Variants in KPNA7 observed in about 807,000 individuals in gnomAD.
The protein encoded by KPNA7 is importin subunit alpha-8.
In KPNA7, 54 loss-of-function variants were observed where a neutral mutation model predicts 53.7. The observed-to-expected ratio is 1.01, with a 90% CI of 0.81 to 1.26. The LOEUF is 1.26. Among genes scored for constraint, KPNA7 ranks in the 50% most tolerant of loss-of-function variants. The pLI is 0.00. For synonymous variants in KPNA7, 276 were observed against 259.3 expected (o/e 1.06, Z -0.62); for missense variants, 640 against 644.5 (o/e 0.99, Z 0.07).
At position 99,188,270 on chromosome 7, in the gene KPNA7, C is replaced by T. The variant is rs935460857; in HGVS notation, c.900+30G>A. 7.8e-6 allele frequency: 12 copies of T among 1,540,590 alleles called. No individual in the cohort carries two copies. In the Admixed American group the frequency reaches 1.4e-4, roughly 18 times the overall value. On this transcript the variant is annotated intron_variant, in intron 7 of 10. Transcript: ENST00000327442. ...CTAAAGTGACTATGACCCGAGGACT[C>T]GAATCCACAGGGCCCAGGATTGCAT... is the stretch of plus-strand genomic sequence containing the variant.
chr7:99,181,460 C>G (rs1799269695), intron 9 of KPNA7, among the ~76,000 whole-genome samples: 1 of 152,188 alleles, frequency 6.6e-6, no homozygotes, highest in African/African-American at 2.4e-5. Context: ...AAACGAAGAC[C>G]ATGGTCCTTC....
chr7:99,177,830 C>A lies in KPNA7; in HGVS notation c.1464+90G>T, dbSNP rs17161599. 14 of 1,366,540 alleles carry A rather than the reference C, an allele frequency of 1.0e-5. No individual in the cohort carries two copies. In the African/African-American group the frequency reaches 2.1e-4, roughly 20 times the overall value. The allele number at this position is 1,366,540 out of a possible 1,614,324, so 84.7% of individuals were successfully genotyped here. ...ACCACCTGCCCAGTCACCTGCCACA[C>A]GCAACAGCCCAGGCCCCGGCAGGGT... On this transcript the variant is annotated intron_variant, in intron 10 of 10. Transcript: ENST00000327442.
chr7:99,162,037 A>ATTTT, the KPNA7 span, among the ~76,000 whole-genome samples: 21 of 106,920 alleles, frequency 2.0e-4, no homozygotes, highest in South Asian at 8.7e-4. Flanking sequence ...CAAGATTGCA[A>ATTTT]TTTTTTTTTT....
chr7:99,186,669 G>A (rs570517087), intron 7 of KPNA7, among the ~76,000 whole-genome samples: 1 of 152,100 alleles, frequency 6.6e-6, no homozygotes, highest in South Asian at 2.1e-4. Context: ...CTTGAACCCA[G>A]GAGACAGAGG....
At chr7:99,176,150 T>C (rs956457243) in intron 10 of KPNA7, among the ~76,000 whole-genome samples, 5 of 151,628 alleles carry the variant, frequency 3.3e-5, no homozygotes, top group African/African-American at 1.2e-4. Flanking sequence ...TACAAAAAAT[T>C]AGCCGGACAT....
chr7:99,163,905 T>A, the KPNA7 span, among the ~76,000 whole-genome samples: 2 of 151,984 alleles, frequency 1.3e-5, no homozygotes, highest in Admixed American at 6.6e-5. Flanking sequence ...TTAAAAAGAA[T>A]TTCTCGAAAA....
the KPNA7 span, among the ~76,000 whole-genome samples, chr7:99,148,095 G>A: frequency 6.6e-6 from 1 of 151,332 alleles, no homozygotes; most frequent in African/African-American, 2.4e-5. Context: ...CTATCATATT[G>A]AACTTAAGAT....
intron 1 of KPNA7, among the ~76,000 whole-genome samples, chr7:99,214,353 G>C (rs1301838878): frequency 2.6e-5 from 4 of 151,386 alleles, no homozygotes; most frequent in Non-Finnish European, 5.9e-5. Flanking sequence ...TGAGGCAGGA[G>C]AATCACTTGA....
At chr7:99,161,268 T>TCTCC in the KPNA7 span, among the ~76,000 whole-genome samples, 4 of 123,094 alleles carry the variant, frequency 3.2e-5, no homozygotes, top group African/African-American at 1.3e-4. Flanking sequence ...TCTCTCTCTC[T>TCTCC]CTGATCACTT....
downstream of KPNA7, chr7:99,173,526 G>A (rs766445313): frequency 3.8e-6 from 2 of 532,938 alleles, no homozygotes; most frequent in Non-Finnish European, 6.7e-6. Context: ...AATTCCACAT[G>A]GTTTTAAGAT....
chr7:99,188,174 CA>C (rs59219718), intron 7 of KPNA7, 125 bp downstream of exon 7: 15,811 of 386,622 alleles, frequency 0.041, 61 homozygotes, highest in African/African-American at 0.2. Flanking sequence ...GACTCTGTCT[CA>C]AAAAAAAAAA....
chr7:99,161,268 T>TCTCTCCCC, the KPNA7 span, among the ~76,000 whole-genome samples: 12 of 123,000 alleles, frequency 9.8e-5, no homozygotes, highest in African/African-American at 3.8e-4. Context: ...TCTCTCTCTC[T>TCTCTCCCC]CTGATCACTT....
At chr7:99,156,662 T>G in the KPNA7 span, among the ~76,000 whole-genome samples, 1 of 152,130 alleles carries the variant, frequency 6.6e-6, no homozygotes, top group South Asian at 2.1e-4. Context: ...GTAGCTGGGA[T>G]TATAGGTGCC....
chr7:99,168,525 T>G, the KPNA7 span, among the ~76,000 whole-genome samples: 3 of 152,184 alleles, frequency 2.0e-5, no homozygotes. Flanking sequence ...TTTTTCTTTT[T>G]TAAGAGATAG....
chr7:99,202,769 CAGGGAGATT>C (rs1796102265), intron 3 of KPNA7, among the ~76,000 whole-genome samples: 1 of 152,054 alleles, frequency 6.6e-6, no homozygotes, highest in African/African-American at 2.4e-5. Context: ...CGCTTGAACC[CAGGGAGATT>C]AGGGCTGCAA....
the KPNA7 span, among the ~76,000 whole-genome samples, chr7:99,156,185 T>G: frequency 6.6e-6 from 1 of 152,172 alleles, no homozygotes; most frequent in African/African-American, 2.4e-5. Context: ...ACTTCCTTAG[T>G]ACTTGAAATG....
chr7:99,163,062 T>G, the KPNA7 span, among the ~76,000 whole-genome samples: 1 of 151,394 alleles, frequency 6.6e-6, no homozygotes, highest in Non-Finnish European at 1.5e-5. Context: ...ACTCCTATAA[T>G]CCCAGCTACT....
chr7:99,215,461 C>A (rs1791194098), intron 1 of KPNA7, among the ~76,000 whole-genome samples: 1 of 151,252 alleles, frequency 6.6e-6, no homozygotes, highest in Admixed American at 6.6e-5. Flanking sequence ...GAAAGCTCAG[C>A]TGCAGATGAG....
At chr7:99,177,572 CAAAAAAAAAAAAAAA>C (rs34717081) in intron 10 of KPNA7, among the ~76,000 whole-genome samples, 1 of 41,760 alleles carries the variant, frequency 2.4e-5, no homozygotes. Flanking sequence ...GAAACCATCT[CAAAAAAAAAAAAAAA>C]AAAAAAAAAA....
Sources: allele counts gnomAD v4.1 joint callset (sites outside exome capture counted in the v4.1 genomes callset), GRCh38; gene constraint gnomAD v4.1.1; transcripts MANE v1.5; gene names NCBI Gene and HGNC (gene_info 2026-07-23, HGNC 2026-07-21).